STK32C: variants seen among roughly 807,000 people sequenced by gnomAD.
STK32C encodes serine/threonine kinase 32C.
STK32C carries 31 observed loss-of-function variants against 56.5 expected under a neutral mutation model. The observed-to-expected ratio is 0.55, with a 90% CI of 0.41 to 0.74. STK32C has a LOEUF of 0.74. Ranked by LOEUF, STK32C falls within the 30% of genes least tolerant of loss-of-function variation. The pLI is 0.00. For synonymous variants in STK32C, 309 were observed against 289.4 expected (o/e 1.07, Z -0.69); for missense variants, 544 against 676.9 (o/e 0.80, Z 2.18).
chr10:132,331,452 C>G, exon 1 of STK32C: 1 of 1,611,492 alleles, frequency 6.2e-7, no homozygotes, highest in Non-Finnish European at 8.5e-7. Context: ...TCCTCGCCCC[C>G]CTCACTCCTC....
At chr10:132,246,771 G>A (rs1322527992) in intron 1 of STK32C, among the ~76,000 whole-genome samples, 4 of 152,192 alleles carry the variant, frequency 2.6e-5, no homozygotes, top group South Asian at 2.1e-4. Context: ...CACATAAGAC[G>A]GGGGTCCCAC....
At chr10:132,208,661 T>A (rs529559448) in intron 11 of STK32C, among the ~76,000 whole-genome samples, 96 of 152,260 alleles carry the variant, frequency 6.3e-4, no homozygotes, top group African/African-American at 2.2e-3. Flanking sequence ...CTGCCAGTCA[T>A]CTGTGCCCTT....
intron 1 of STK32C, among the ~76,000 whole-genome samples, chr10:132,248,296 G>A (rs59827742): frequency 0.071 from 10,776 of 152,320 alleles, 1,100 homozygotes; most frequent in African/African-American, 0.22. Context: ...CAGCTGGGCC[G>A]TGGCAGGGGA....
chr10:132,248,529 C>A (rs916215031), intron 1 of STK32C, among the ~76,000 whole-genome samples: 1 of 152,244 alleles, frequency 6.6e-6, no homozygotes, highest in South Asian at 2.1e-4. Flanking sequence ...TGCCCAGAGA[C>A]CCCTGTGCTC....
chr10:132,265,922 G>A (rs1209979724), intron 1 of STK32C, among the ~76,000 whole-genome samples: 2 of 152,204 alleles, frequency 1.3e-5, no homozygotes, highest in African/African-American at 2.4e-5. Context: ...GTGCACGGCC[G>A]CTTGGGAAAC....
chr10:132,299,168 A>G (rs945052738), intron 1 of STK32C, among the ~76,000 whole-genome samples: 2 of 150,864 alleles, frequency 1.3e-5, no homozygotes, highest in African/African-American at 2.5e-5. Flanking sequence ...GCCAACAGCG[A>G]ACTGAGACCC....
intron 2 of STK32C, among the ~76,000 whole-genome samples, chr10:132,235,555 CT>C (rs1364253688): frequency 7.2e-6 from 1 of 138,388 alleles, no homozygotes; most frequent in East Asian, 2.3e-4. Context: ...GAACTAAAAT[CT>C]TTTTTACAAG....
Position 132,289,610 on chromosome 10 carries a change from G to C in STK32C, c.262+17962C>G, listed in dbSNP as rs552098541. Among the ~76,000 whole-genome samples, 36 of 152,332 alleles carry C rather than the reference G, an allele frequency of 2.4e-4. 1 individual carries two copies. Among genetic ancestry groups the C allele is most frequent in the African/African-American group, 8.7e-4 (36 of 41,584 alleles). ...TATTTCTTACAGCTGTAAAGGCTGG[G>C]AAGTGTAAGATCAAAGCACCGGAAG... On this transcript the variant is annotated intron_variant, in intron 1 of 11. Transcript: ENST00000298630.
At chr10:132,304,640 C>G (rs923746157) in intron 1 of STK32C, among the ~76,000 whole-genome samples, 2 of 152,212 alleles carry the variant, frequency 1.3e-5, no homozygotes, top group African/African-American at 4.8e-5. Flanking sequence ...GATCCCAATG[C>G]TGAAGTTACA....
intron 1 of STK32C, among the ~76,000 whole-genome samples, chr10:132,296,843 A>G (rs1260717077): frequency 6.6e-6 from 1 of 152,232 alleles, no homozygotes; most frequent in East Asian, 1.9e-4. Flanking sequence ...CATGGTGGCC[A>G]CAGAGGCAGG....
At chr10:132,268,203 G>GTC (rs1482453066) in intron 1 of STK32C, among the ~76,000 whole-genome samples, 5 of 148,462 alleles carry the variant, frequency 3.4e-5, no homozygotes, top group South Asian at 2.2e-4. Context: ...CTCTATGCCT[G>GTC]TGTGCATGCA....
intron 11 of STK32C, 146 bp downstream of exon 11, chr10:132,208,888 C>G (rs1159797071): frequency 1.4e-6 from 1 of 733,264 alleles, no homozygotes; most frequent in Admixed American, 2.4e-5. Flanking sequence ...CGCTCCCCTC[C>G]ATAGCTGCTG....
At chr10:132,266,921 G>C (rs749467786) in intron 1 of STK32C, among the ~76,000 whole-genome samples, 1 of 152,106 alleles carries the variant, frequency 6.6e-6, no homozygotes, top group Non-Finnish European at 1.5e-5. Flanking sequence ...ATGGACACTG[G>C]GGGTGGGGAG....
chr10:132,242,938 C>A (rs1286064880), intron 2 of STK32C, among the ~76,000 whole-genome samples: 1 of 152,106 alleles, frequency 6.6e-6, no homozygotes, highest in South Asian at 2.1e-4. Flanking sequence ...AACCACAGAC[C>A]GGAAAGGTCA....
chr10:132,222,886 C>A lies in STK32C; in HGVS notation c.1094G>T (p.Arg365Met), dbSNP rs1038609372. 5.1e-6 allele frequency: 8 copies of A among 1,572,858 alleles called. No homozygotes were observed. Among genetic ancestry groups the A allele is most frequent in the Non-Finnish European group, 6.9e-6 (8 of 1,162,304 alleles). ...GTTGGGCACGAAGCCCGGCTCCACC[C>A]TCTTCTCGCTCAGGTGGTCCCACAG... Reference protein sequence around the residue: ...GVLWDHLSEKRVEPGFVPNKG... With the variant: ...GVLWDHLSEKMVEPGFVPNKG... Residue 365 changes from arginine (R) to methionine (M), a missense_variant, in exon 9 of 12, where the codon AGG becomes ATG. By Grantham distance (91) the Arg-to-Met change is moderately conservative. Transcript: ENST00000298630.
chr10:132,326,704 C>G (rs982736117), intron 1 of STK32C, among the ~76,000 whole-genome samples: 4 of 152,172 alleles, frequency 2.6e-5, no homozygotes, highest in African/African-American at 9.7e-5. Context: ...GCCCAGTTCT[C>G]CACTGCTGGT....
intron 1 of STK32C, among the ~76,000 whole-genome samples, chr10:132,302,841 C>T (rs926271653): frequency 6.6e-6 from 1 of 152,232 alleles, no homozygotes; most frequent in Non-Finnish European, 1.5e-5. Flanking sequence ...CTCTTCTCTG[C>T]TCCATGAGCT....
At chr10:132,227,114 G>T in intron 3 of STK32C, 146 bp from the exon 4 acceptor site, 1 of 912,764 alleles carries the variant, frequency 1.1e-6, no homozygotes, top group Non-Finnish European at 1.7e-6. Context: ...GCCTGCCCAA[G>T]GCACTGATTG....
chr10:132,276,835 C>T (rs981650739), intron 1 of STK32C, among the ~76,000 whole-genome samples: 1 of 152,154 alleles, frequency 6.6e-6, no homozygotes, highest in African/African-American at 2.4e-5. Flanking sequence ...CTCCGTTACC[C>T]CAGCGTGGCC....
Sources: gnomAD v4.1 joint callset for allele counts (sites outside exome capture counted in the v4.1 genomes callset) on GRCh38, gnomAD v4.1.1 for gene constraint, MANE v1.5 for transcripts, NCBI Gene and HGNC (gene_info 2026-07-23, HGNC 2026-07-21) for gene names.